TBX15: variants seen among roughly 807,000 people sequenced by gnomAD.
TBX15 encodes the protein T-box transcription factor TBX15.
Under a neutral mutation model 53.9 loss-of-function variants are expected in TBX15, and 18 were observed. The observed-to-expected ratio is 0.33, with a 90% CI of 0.23 to 0.49. TBX15 has a LOEUF of 0.49. Among genes scored for constraint, TBX15 ranks in the 20% least tolerant of loss-of-function variants. The probability of loss-of-function intolerance (pLI) is 0.98; values close to 1 mark genes in which losing one functional copy is unlikely to be tolerated. For missense variants in TBX15, 692 were observed against 749.5 expected (o/e 0.92, Z 0.90); for synonymous variants, 295 against 278.0 (o/e 1.06, Z -0.61).
intron 6 of TBX15, among the ~76,000 whole-genome samples, chr1:118,900,799 A>G (rs1654604238): frequency 1.3e-5 from 2 of 152,142 alleles, no homozygotes; most frequent in Admixed American, 1.3e-4. Context: ...GCCTGGATGG[A>G]TAGAAGAAAT....
At chr1:118,924,880 G>A (rs930306942) in intron 3 of TBX15, 63 bp from the exon 4 acceptor site, 1 of 1,582,118 alleles carries the variant, frequency 6.3e-7, no homozygotes, top group Non-Finnish European at 8.7e-7. Flanking sequence ...AGAGGCCCAG[G>A]AAACAAGTTG....
chr1:118,944,203 T>C (rs1003921581), intron 1 of TBX15, among the ~76,000 whole-genome samples: 4 of 152,176 alleles, frequency 2.6e-5, no homozygotes, highest in Non-Finnish European at 4.4e-5. Context: ...TCTTTCTTTT[T>C]CCTCTAAAGC....
At chr1:118,898,038 G>A (rs996470627) in intron 7 of TBX15, among the ~76,000 whole-genome samples, 7 of 152,172 alleles carry the variant, frequency 4.6e-5, no homozygotes, top group Admixed American at 6.5e-5. Context: ...TGCTTACTAT[G>A]ATTTTAAATG....
intron 3 of TBX15, among the ~76,000 whole-genome samples, chr1:118,925,732 C>G (rs1271461117): frequency 6.6e-6 from 1 of 152,172 alleles, no homozygotes; most frequent in African/African-American, 2.4e-5. Context: ...GAAATCCAGA[C>G]CGTGTCTCTC....
At chr1:118,891,804 A>G (rs1436300186) in intron 7 of TBX15, among the ~76,000 whole-genome samples, 1 of 152,176 alleles carries the variant, frequency 6.6e-6, no homozygotes, top group Non-Finnish European at 1.5e-5. Flanking sequence ...ATGATCTTTT[A>G]TGGGTGCCTA....
rs1371692918 is a variant in TBX15 at position 118,939,423 on chromosome 1, AAAAAAAAAAAAAAC to A, written c.206-7605_206-7592del. Among the ~76,000 whole-genome samples the A allele has an allele frequency of 3.5e-4, 42 of 118,822 alleles. 1 individual carries two copies. Among genetic ancestry groups the A allele is most frequent in the East Asian group, 6.2e-4 (2 of 3,222 alleles). The allele number at this position is 118,822 out of a possible 152,430, so 78.0% of individuals were successfully genotyped here. A position where few individuals can be genotyped will look rare whatever the true frequency, so the allele number is the denominator to read the frequency against. On this transcript the variant is annotated intron_variant, in intron 1 of 7. Transcript: ENST00000369429. ...ATCTAGTCTCAAAAAAAAAAAAAAAAAAAAAAAAAAAAACAAAAACAGGAACAGAAAACCAAATA... is the reference window on the plus strand; with the variant it reads ...ATCTAGTCTCAAAAAAAAAAAAAAAAAAAAACAGGAACAGAAAACCAAATA...
At chr1:118,893,274 G>A (rs1404097808) in intron 7 of TBX15, among the ~76,000 whole-genome samples, 1 of 64,646 alleles carries the variant, frequency 1.5e-5, no homozygotes, top group African/African-American at 7.1e-5. Context: ...AAGGAAGAAG[G>A]AAGGAAGGAA....
intron 4 of TBX15, among the ~76,000 whole-genome samples, chr1:118,924,008 T>C (rs780737478): frequency 6.6e-6 from 1 of 152,242 alleles, no homozygotes; most frequent in Non-Finnish European, 1.5e-5. Flanking sequence ...TTATTGAATA[T>C]GTGAACATTA....
At chr1:118,962,410 A>G (rs903811896) in intron 1 of TBX15, among the ~76,000 whole-genome samples, 1 of 152,064 alleles carries the variant, frequency 6.6e-6, no homozygotes, top group Non-Finnish European at 1.5e-5. Flanking sequence ...CACTTCTCCC[A>G]AAAGTAAAGC....
At position 118,919,458 on chromosome 1, in the gene TBX15, T is replaced by A. The variant is rs140662992; in HGVS notation, c.861+3978A>T. Among the ~76,000 whole-genome samples, 34 of 152,304 alleles carry A rather than the reference T, an allele frequency of 2.2e-4. No homozygotes were observed. In the East Asian group the frequency reaches 5.4e-3, roughly 24 times the overall value. On this transcript the variant is annotated intron_variant, in intron 5 of 7. Coordinates refer to ENST00000369429, the MANE Select transcript of TBX15 (RefSeq NM_001330677.2). ...AATAATAGTAATAATAACTTCAGTA[T>A]GCTAGCAGCCCTAAGAGTCTATTGG... is the stretch of plus-strand genomic sequence containing the variant.
intron 5 of TBX15, among the ~76,000 whole-genome samples, chr1:118,920,203 A>G (rs1295526829): frequency 6.6e-6 from 1 of 152,196 alleles, no homozygotes; most frequent in Admixed American, 6.5e-5. Context: ...AAAAAGCTCA[A>G]AATATCAAGA....
At chr1:118,947,217 G>A (rs1310469922) in intron 1 of TBX15, among the ~76,000 whole-genome samples, 1 of 152,216 alleles carries the variant, frequency 6.6e-6, no homozygotes, top group Non-Finnish European at 1.5e-5. Flanking sequence ...CATGGCAATG[G>A]AGCCTGCCCA....
At chr1:118,931,575 T>C (rs1655780805) in intron 2 of TBX15, 44 bp downstream of exon 2, 3 of 1,606,024 alleles carry the variant, frequency 1.9e-6, no homozygotes, top group Admixed American at 3.3e-5. Flanking sequence ...CTCCTACTTC[T>C]GCAAATTCTT....
intron 7 of TBX15, among the ~76,000 whole-genome samples, chr1:118,894,407 T>C (rs1205929725): frequency 6.6e-6 from 1 of 152,206 alleles, no homozygotes; most frequent in East Asian, 1.9e-4. Flanking sequence ...TTAAGGAATA[T>C]GTCTTTCATA....
At chr1:118,892,702 T>C (rs749611402) in intron 7 of TBX15, among the ~76,000 whole-genome samples, 5 of 152,236 alleles carry the variant, frequency 3.3e-5, no homozygotes, top group Non-Finnish European at 5.9e-5. Context: ...TTTCAAAGTG[T>C]ATCACTTTAA....
At chr1:118,980,973 C>T (rs1483157620) in intron 1 of TBX15, among the ~76,000 whole-genome samples, 1 of 152,172 alleles carries the variant, frequency 6.6e-6, no homozygotes, top group Non-Finnish European at 1.5e-5. Flanking sequence ...GCTGGGATTA[C>T]AGGCCCGCAC....
chr1:118,898,950 A>G, intron 7 of TBX15, 78 bp downstream of exon 7: 1 of 1,426,974 alleles, frequency 7.0e-7, no homozygotes, highest in Non-Finnish European at 9.8e-7. Flanking sequence ...GCCTGAGGCC[A>G]GATGTGCTAT....
intron 1 of TBX15, among the ~76,000 whole-genome samples, chr1:118,958,149 C>T (rs893720444): frequency 6.6e-6 from 1 of 152,118 alleles, no homozygotes; most frequent in Non-Finnish European, 1.5e-5. Context: ...TTTTTGGAGA[C>T]GAGACTTTGA....
intron 1 of TBX15, among the ~76,000 whole-genome samples, chr1:118,968,052 A>G (rs1375926816): frequency 1.3e-5 from 2 of 152,226 alleles, no homozygotes; most frequent in African/African-American, 4.8e-5. Context: ...ATACTGGTAG[A>G]ACTATTACAA....
Sources: gnomAD v4.1 joint callset for allele counts (sites outside exome capture counted in the v4.1 genomes callset) on GRCh38, gnomAD v4.1.1 for gene constraint, MANE v1.5 for transcripts, NCBI Gene and HGNC (gene_info 2026-07-23, HGNC 2026-07-21) for gene names.